UGT1A6: variants seen among roughly 807,000 people sequenced by gnomAD.
UGT1A6 encodes the protein UDP glucuronosyltransferase family 1 member A6, also known as UDP-glucuronosyltransferase 1A6.
Under a neutral mutation model 44.4 loss-of-function variants are expected in UGT1A6, and 32 were observed. The ratio of observed to expected loss-of-function variants is 0.72; its 90% CI spans 0.54 to 0.97. The LOEUF (loss-of-function observed/expected upper bound fraction) is 0.97. Among genes scored for constraint, UGT1A6 ranks in the 50% least tolerant of loss-of-function variants. The pLI is 0.00. For synonymous variants in UGT1A6, 238 were observed against 248.5 expected, an observed-to-expected ratio of 0.96 and a Z score of 0.40; for missense variants, 685 against 661.9, an observed-to-expected ratio of 1.03 and a Z score of -0.38.
chr2:233,749,292 A>T (rs1326160420), intron 1 of UGT1A6, among the ~76,000 whole-genome samples: 1 of 151,992 alleles, frequency 6.6e-6, no homozygotes, highest in Admixed American at 6.5e-5. Flanking sequence ...GTAGTTATTC[A>T]ATTATAAAAT....
chr2:233,762,954 A>G (rs1248639717), intron 1 of UGT1A6, among the ~76,000 whole-genome samples: 1 of 152,252 alleles, frequency 6.6e-6, no homozygotes, highest in Admixed American at 6.5e-5. Context: ...TTCTGGCAAT[A>G]GGAAAGATGC....
At chr2:233,714,277 A>C (rs892739336) in intron 1 of UGT1A6, among the ~76,000 whole-genome samples, 6 of 152,178 alleles carry the variant, frequency 3.9e-5, no homozygotes, top group African/African-American at 1.4e-4. Context: ...TTGACGTGAC[A>C]ATTTTTAGTG....
chr2:233,726,353 T>C lies in UGT1A6; in HGVS notation c.861+32488T>C, dbSNP rs2077527034. Among the ~76,000 whole-genome samples the C allele has an allele frequency of 2.0e-5, 3 of 152,202 alleles. No individual in the cohort carries two copies. The South Asian group carries it at 6.2e-4, about 32-fold the overall frequency. ...CACCTGTGGTTTTTTGATTTATTTA[T>C]TTAAAACACAACAAAAACCAAAATT... On this transcript the variant is annotated intron_variant, in intron 1 of 4. Transcript: ENST00000305139.
At chr2:233,756,614 T>C (rs978971075) in intron 1 of UGT1A6, among the ~76,000 whole-genome samples, 2 of 152,204 alleles carry the variant, frequency 1.3e-5, no homozygotes, top group African/African-American at 4.8e-5. Context: ...CCATTAAGAC[T>C]TGCAGGCCGT....
chr2:233,725,184 GCAGA>G (rs1559370234), intron 1 of UGT1A6, among the ~76,000 whole-genome samples: 5 of 89,376 alleles, frequency 5.6e-5, no homozygotes, highest in African/African-American at 1.7e-4. Flanking sequence ...GTGGGGAGAG[GCAGA>G]GGCAGAGGCA....
At chr2:233,747,242 T>G in intron 1 of UGT1A6, 1 of 1,603,440 alleles carries the variant, frequency 6.2e-7, no homozygotes. Context: ...GTTCCCCTGC[T>G]GTGGCTGGCC....
intron 4 of UGT1A6, chr2:233,770,154 AAC>A (rs1418683747): frequency 6.6e-6 from 1 of 152,270 alleles, no homozygotes. Context: ...TTTTTAAAAA[AAC>A]ACAAATCAAT....
rs1693746524 is a variant in UGT1A6, at chr2:233,747,672, A to G, written c.862-19362A>G. Reference sequence around the variant, plus strand: ...CTTCGATGTGGTTTTAATAGACCCAATTTACCTCTGTGGGGCAGTGCTGGC... The same window carrying G: ...CTTCGATGTGGTTTTAATAGACCCAGTTTACCTCTGTGGGGCAGTGCTGGC... On this transcript the variant is annotated intron_variant, in intron 1 of 4. Transcript: ENST00000305139. 1.4e-5 allele frequency: 22 copies of G among 1,605,362 alleles called. No individual in the cohort carries two copies. The South Asian group carries it at 1.4e-4, about 10-fold the overall frequency.
At position 233,725,198 on chromosome 2, in the gene UGT1A6, A is replaced by G. The variant is rs1414997731; in HGVS notation, c.861+31333A>G. The stretch of plus-strand genomic sequence containing the variant: ...CGTGGGGAGAGGCAGAGGCAGAGGC[A>G]GAGGCAGAGGCAGAGGCAGAGGAGG... On this transcript the variant is annotated intron_variant, in intron 1 of 4. Coordinates refer to ENST00000305139, the MANE Select transcript of UGT1A6 (RefSeq NM_001072.4). Among the ~76,000 whole-genome samples, 47 of 86,252 alleles carry G rather than the reference A, an allele frequency of 5.4e-4. 1 individual carries two copies. The highest frequency in any genetic ancestry group is 5.3e-3 in the Middle Eastern group (1 of 188). 56.6% of individuals were successfully genotyped at this position (86,252 alleles called of 152,430 possible). A position where few individuals can be genotyped will look rare whatever the true frequency, so the allele number is the denominator to read the frequency against.
At chr2:233,766,075 T>C (rs1699041647) in intron 1 of UGT1A6, among the ~76,000 whole-genome samples, 1 of 152,186 alleles carries the variant, frequency 6.6e-6, no homozygotes, top group Non-Finnish European at 1.5e-5. Context: ...CCCTCTACCT[T>C]GTCGCAAGGA....
rs541532523 is a variant in UGT1A6, at chr2:233,772,760, G to A, written c.*201G>A. The A allele has an allele frequency of 2.4e-5, 33 of 1,393,894 alleles. No homozygotes were observed. The South Asian group carries it at 2.9e-4, about 12-fold the overall frequency. The allele number at this position is 1,393,894 out of a possible 1,614,324, so 86.3% of individuals were successfully genotyped here. A position where few individuals can be genotyped will look rare whatever the true frequency, so the allele number is the denominator to read the frequency against. On this transcript the variant is annotated 3_prime_UTR_variant, in exon 5 of 5. Transcript: ENST00000305139. ...CAGTAAAGATATTTGAATATGTATC[G>A]TGCCCCCTCTGGTGTCTTTGATCAG...
intron 1 of UGT1A6, among the ~76,000 whole-genome samples, chr2:233,726,632 C>T (rs2077548155): frequency 6.6e-6 from 1 of 152,176 alleles, no homozygotes; most frequent in Admixed American, 6.5e-5. Flanking sequence ...CCAGGACAAT[C>T]TCCCCATCTT....
At chr2:233,745,951 T>G (rs946594198) in intron 1 of UGT1A6, among the ~76,000 whole-genome samples, 1 of 151,238 alleles carries the variant, frequency 6.6e-6, no homozygotes, top group African/African-American at 2.4e-5. Context: ...GTTGGGCAAC[T>G]GGGGGACAGG....
At chr2:233,721,705 T>G in intron 1 of UGT1A6, 1 of 371,450 alleles carries the variant, frequency 2.7e-6, no homozygotes, top group South Asian at 2.1e-5. Flanking sequence ...ATGGCTCATC[T>G]TGGATGCTTT....
chr2:233,735,646 T>C (rs1050886537), intron 1 of UGT1A6, among the ~76,000 whole-genome samples: 1 of 152,236 alleles, frequency 6.6e-6, no homozygotes, highest in South Asian at 2.1e-4. Flanking sequence ...CAGTGGCTGG[T>C]ACTGGTGTTT....
rs1392569558 is a variant in UGT1A6 at position 233,757,114 on chromosome 2, G to T, written c.862-9920G>T. ...GCAGAGGGAGGGGGCAAGCAGAAGG[G>T]CTAGAGAGGAGGAATGAGCTTGGAC... On this transcript the variant is annotated intron_variant, in intron 1 of 4. Transcript: ENST00000305139. Among the ~76,000 whole-genome samples the T allele has an allele frequency of 7.3e-5, 11 of 151,392 alleles. No individual in the cohort carries two copies. In the South Asian group the frequency reaches 1.7e-3, roughly 23 times the overall value.
At chr2:233,729,445 C>G (rs375300323) in intron 1 of UGT1A6, 1 of 1,613,820 alleles carries the variant, frequency 6.2e-7, no homozygotes, top group African/African-American at 1.3e-5. Flanking sequence ...AGAACATTTT[C>G]TGAAGAAATT....
intron 1 of UGT1A6, 145 bp from the exon 2 acceptor site, chr2:233,766,889 C>A: frequency 6.8e-7 from 1 of 1,464,614 alleles, no homozygotes; most frequent in Non-Finnish European, 9.0e-7. Context: ...GTAAAACTTA[C>A]ATATTAATAA....
chr2:233,748,199 G>T (rs1164871167), intron 1 of UGT1A6: 1 of 1,533,212 alleles, frequency 6.5e-7, no homozygotes. Context: ...TCTGCTTGTC[G>T]TAATAGCCTT....
Sources: allele counts gnomAD v4.1 joint callset (sites outside exome capture counted in the v4.1 genomes callset), GRCh38; gene constraint gnomAD v4.1.1; transcripts MANE v1.5; gene names NCBI Gene and HGNC (gene_info 2026-07-23, HGNC 2026-07-21).